The following MGAT5 variants were observed in gnomAD, a reference collection of about 807,000 sequenced individuals.
The protein encoded by MGAT5 is alpha-1,6-mannosylglycoprotein 6-beta-N-acetylglucosaminyltransferase A.
A neutral mutation model predicts 94.3 loss-of-function variants in MGAT5; 30 were observed. The ratio of observed to expected loss-of-function variants is 0.32; its 90% CI spans 0.24 to 0.43. The LOEUF (loss-of-function observed/expected upper bound fraction) is 0.43, where lower values mean the gene tolerates loss of function less well. Among genes scored for constraint, MGAT5 ranks in the 20% least tolerant of loss-of-function variants. The probability of loss-of-function intolerance (pLI) is 1.00; values close to 1 mark genes in which losing one functional copy is unlikely to be tolerated. For synonymous variants in MGAT5, 310 were observed against 322.9 expected, an observed-to-expected ratio of 0.96 and a Z score of 0.43; for missense variants, 691 against 905.5, an observed-to-expected ratio of 0.76 and a Z score of 3.04.
At chr2:134,360,822 A>C (rs1265442797) in intron 9 of MGAT5, among the ~76,000 whole-genome samples, 1 of 152,230 alleles carries the variant, frequency 6.6e-6, no homozygotes, top group Non-Finnish European at 1.5e-5. Context: ...GCCTCTGGGC[A>C]CTGGTTCAAA....
chr2:134,251,504 G>GGT (rs1397308487), upstream of MGAT5, among the ~76,000 whole-genome samples: 2 of 152,128 alleles, frequency 1.3e-5, no homozygotes, highest in Non-Finnish European at 2.9e-5. Flanking sequence ...TCTCTGAGAA[G>GGT]GTGTGTGTGT....
chr2:134,424,540 C>T (rs1684471771), intron 13 of MGAT5, among the ~76,000 whole-genome samples: 2 of 152,198 alleles, frequency 1.3e-5, no homozygotes, highest in Non-Finnish European at 2.9e-5. Flanking sequence ...AAAATATCTG[C>T]CACACACCAA....
In MGAT5 at chr2:134,403,136, A is replaced by G. The variant is rs887620791; in HGVS notation, c.1529A>G (p.Lys510Arg). 1.2e-6 allele frequency: 2 copies of G among 1,601,826 alleles called. No homozygotes were observed. Among genetic ancestry groups the G allele is most frequent in the African/African-American group, 1.3e-5 (1 of 74,152 alleles). The change falls in exon 11 of 16, where the codon AAG (lysine) becomes AGG (arginine). Residue 510 changes from lysine (K) to arginine (R), a missense_variant and splice_region_variant. Around this residue, in one of 4 missense-constraint regions of MGAT5, gnomAD observed 260 missense variants for 347.0 expected, o/e 0.75. Transcript: ENST00000281923. ...CTGCAGTTCCTTCTTCGAGAAACCA[A>G]GGTAAAAATTCACCACGGATGTGGT... ...RDLQFLLRET[K>R]LFVGLGFPYE... is the part of the protein sequence containing the mutation.
intron 1 of MGAT5, among the ~76,000 whole-genome samples, chr2:134,223,231 G>A (rs1680878568): frequency 6.6e-6 from 1 of 152,056 alleles, no homozygotes; most frequent in African/African-American, 2.4e-5. Flanking sequence ...TGATTTGGAG[G>A]GTTTGATCTT....
At chr2:134,299,746 T>C (rs11888181) in intron 2 of MGAT5, among the ~76,000 whole-genome samples, 2,648 of 152,228 alleles carry the variant, frequency 0.017, 88 homozygotes, top group African/African-American at 0.06. Context: ...TTTTAAAAAG[T>C]TCCCATTTCA....
intron 8 of MGAT5, among the ~76,000 whole-genome samples, chr2:134,347,122 A>G (rs1310150841): frequency 1.3e-5 from 2 of 152,222 alleles, no homozygotes; most frequent in African/African-American, 4.8e-5. Context: ...TTAGCAGCAC[A>G]TTATAAAAAT....
intron 2 of MGAT5, among the ~76,000 whole-genome samples, chr2:134,274,781 A>C (rs543520419): frequency 6.6e-6 from 1 of 152,210 alleles, no homozygotes; most frequent in Non-Finnish European, 1.5e-5. Flanking sequence ...CTCAAGCGAC[A>C]GTTTCCTGGT....
chr2:134,430,815 G>T (rs1684838254), intron 14 of MGAT5, among the ~76,000 whole-genome samples: 1 of 152,174 alleles, frequency 6.6e-6, no homozygotes, highest in African/African-American at 2.4e-5. Flanking sequence ...AGTTGGGGAG[G>T]ACAATAGCTC....
chr2:134,223,745 C>T (rs1348743484), intron 1 of MGAT5, among the ~76,000 whole-genome samples: 1 of 152,122 alleles, frequency 6.6e-6, no homozygotes, highest in East Asian at 1.9e-4. Flanking sequence ...CCTTATTATG[C>T]TTGCCTGATG....
chr2:134,189,104 C>G (rs920663518), intron 1 of MGAT5, among the ~76,000 whole-genome samples: 4 of 152,156 alleles, frequency 2.6e-5, no homozygotes, highest in African/African-American at 9.7e-5. Flanking sequence ...TCCAGTGAGC[C>G]TGGTGTCCAG....
intron 1 of MGAT5, among the ~76,000 whole-genome samples, chr2:134,207,248 C>G (rs1281733178): frequency 6.6e-6 from 1 of 152,180 alleles, no homozygotes; most frequent in Non-Finnish European, 1.5e-5. Flanking sequence ...TGATAATTAT[C>G]TTAAGGTCAG....
At chr2:134,417,937 G>T (rs1684073193) in intron 12 of MGAT5, among the ~76,000 whole-genome samples, 1 of 152,214 alleles carries the variant, frequency 6.6e-6, no homozygotes, top group Admixed American at 6.5e-5. Flanking sequence ...GAAAAGCAAA[G>T]AAGCCCCTAT....
At chr2:134,409,664 C>A (rs1683534528) in intron 11 of MGAT5, among the ~76,000 whole-genome samples, 1 of 152,142 alleles carries the variant, frequency 6.6e-6, no homozygotes. Flanking sequence ...TCAATGTTCC[C>A]CATCAAGAGT....
chr2:134,429,625 T>G (rs1339919016), intron 14 of MGAT5, among the ~76,000 whole-genome samples: 1 of 152,230 alleles, frequency 6.6e-6, no homozygotes, highest in Non-Finnish European at 1.5e-5. Flanking sequence ...ACATACATAG[T>G]GCTCAATAAA....
chr2:134,441,887 C>A lies in MGAT5; in HGVS notation c.1999C>A (p.His667Asn). ...QLICEPSFFQ[H>N]LNKDKDMLKY... ...CATCTGCGAGCCTTCTTTCTTCCAG[C>A]ACCTCAACAAGGACAAGGACATGCT... The change falls in exon 15 of 16, where the codon CAC becomes AAC. Residue 667 changes from histidine (H) to asparagine (N), a missense_variant. Physicochemically the swap from His to Asn is moderately conservative, Grantham distance 68. Transcript: ENST00000281923. The A allele has an allele frequency of 6.2e-7, 1 of 1,614,068 alleles. No individual in the cohort carries two copies. Among genetic ancestry groups the A allele is most frequent in the Non-Finnish European group, 8.5e-7 (1 of 1,179,990 alleles).
intron 1 of MGAT5, among the ~76,000 whole-genome samples, chr2:134,143,695 CA>C (rs767356411): frequency 6.6e-6 from 1 of 152,090 alleles, no homozygotes; most frequent in Non-Finnish European, 1.5e-5. Context: ...TGGCTGAAGA[CA>C]AGAAAAATCC....
intron 1 of MGAT5, among the ~76,000 whole-genome samples, chr2:134,226,766 A>T (rs910110932): frequency 6.6e-6 from 1 of 152,168 alleles, no homozygotes; most frequent in East Asian, 1.9e-4. Flanking sequence ...ATGCTTACAG[A>T]TAAAAACGGA....
At chr2:134,380,874 T>C (rs1438322104) in intron 10 of MGAT5, among the ~76,000 whole-genome samples, 1 of 152,170 alleles carries the variant, frequency 6.6e-6, no homozygotes, top group Middle Eastern at 3.2e-3. Context: ...AGTAAACACG[T>C]TGTATGCTTG....
At chr2:134,245,602 C>T (rs183734757) in intron 1 of MGAT5, among the ~76,000 whole-genome samples, 2 of 152,280 alleles carry the variant, frequency 1.3e-5, no homozygotes, top group East Asian at 3.9e-4. Flanking sequence ...TTTGCCTGTC[C>T]CTTCCTCCTC....
Sources: gnomAD v4.1 joint callset for allele counts (sites outside exome capture counted in the v4.1 genomes callset) on GRCh38, gnomAD v4.1.1 for gene constraint, gnomAD v4.1.1 regional missense constraint, MANE v1.5 for transcripts, NCBI Gene and HGNC (gene_info 2026-07-23, HGNC 2026-07-21) for gene names.